Variants in HOMER1 observed in about 807,000 individuals in gnomAD.
HOMER1 encodes the protein homer scaffold protein 1.
In HOMER1, 3 loss-of-function variants were observed where a neutral mutation model predicts 48.9. The ratio of observed to expected loss-of-function variants is 0.06; its 90% CI spans 0.03 to 0.16. The LOEUF is 0.16. Among genes scored for constraint, HOMER1 ranks in the 10% least tolerant of loss-of-function variants. The pLI, the probability that HOMER1 is intolerant of heterozygous loss-of-function variation, is 1.00. For synonymous variants in HOMER1, 134 were observed against 146.4 expected (o/e 0.92, Z 0.61); for missense variants, 247 against 411.4 (o/e 0.60, Z 3.46).
At chr5:79,423,115 T>C (rs181923670) in intron 5 of HOMER1, among the ~76,000 whole-genome samples, 10 of 152,308 alleles carry the variant, frequency 6.6e-5, no homozygotes, top group African/African-American at 2.4e-4. Context: ...AGTATAGCAG[T>C]ATGTAAAAGT....
chr5:79,512,883 C>G lies in HOMER1; in HGVS notation c.-109G>C. 1.0e-6 allele frequency: 1 copy of G among 972,426 alleles called. No individual in the cohort carries two copies. Among genetic ancestry groups the G allele is most frequent in the Non-Finnish European group, 1.6e-6 (1 of 607,254 alleles). The allele number at this position is 972,426 out of a possible 1,614,324, so 60.2% of individuals were successfully genotyped here. On this transcript the variant is annotated 5_prime_UTR_variant, in exon 1 of 9. Coordinates refer to ENST00000334082, the MANE Select transcript of HOMER1 (RefSeq NM_004272.5). ...GCAGTTGCTTTTCCACCCCCACCCC[C>G]AGATCCTTGTCCGGAGGTATTTCAA...
rs1244510603 is a variant in HOMER1 at position 79,447,285 on chromosome 5, T to G, written c.295-140A>C. 9 of 602,480 alleles carry G rather than the reference T, an allele frequency of 1.5e-5. No individual in the cohort carries two copies. The Admixed American group carries it at 2.0e-4, about 14-fold the overall frequency. The allele number at this position is 602,480 out of a possible 1,614,324, so 37.3% of individuals were successfully genotyped here. ...CCTCCAAACCAATTATAGCTTCTAA[T>G]ATGAAAATGACAGGAAATGAAACCT... On this transcript the variant is annotated intron_variant, in intron 3 of 8. Coordinates refer to ENST00000334082, the MANE Select transcript of HOMER1 (RefSeq NM_004272.5).
intron 5 of HOMER1, among the ~76,000 whole-genome samples, chr5:79,410,776 C>A (rs1415144180): frequency 6.6e-6 from 1 of 152,038 alleles, no homozygotes; most frequent in Non-Finnish European, 1.5e-5. Flanking sequence ...CATTTAGCAA[C>A]AATTAATACC....
intron 1 of HOMER1, among the ~76,000 whole-genome samples, chr5:79,511,639 T>G (rs562616167): frequency 6.6e-6 from 1 of 152,318 alleles, no homozygotes; most frequent in East Asian, 1.9e-4. Context: ...GTCATTCAAG[T>G]TTTTAAAACC....
intron 5 of HOMER1, among the ~76,000 whole-genome samples, chr5:79,403,233 T>C (rs1431594812): frequency 1.3e-5 from 2 of 152,210 alleles, no homozygotes; most frequent in Non-Finnish European, 2.9e-5. Context: ...TCCCATTAAC[T>C]AACTAGTGAG....
At chr5:79,498,172 G>C (rs994224687) in intron 1 of HOMER1, among the ~76,000 whole-genome samples, 15 of 152,130 alleles carry the variant, frequency 9.9e-5, no homozygotes, top group African/African-American at 3.6e-4. Flanking sequence ...AGGCTGAGGA[G>C]GGCGGATCAC....
intron 1 of HOMER1, among the ~76,000 whole-genome samples, chr5:79,462,479 A>T (rs1283584936): frequency 1.3e-5 from 2 of 152,194 alleles, no homozygotes; most frequent in African/African-American, 4.8e-5. Flanking sequence ...GATGTGGAAA[A>T]CTGGAAGAAT....
intron 1 of HOMER1, among the ~76,000 whole-genome samples, chr5:79,484,064 A>AAAC (rs1752028216): frequency 6.6e-6 from 1 of 150,972 alleles, no homozygotes; most frequent in Non-Finnish European, 1.5e-5. Flanking sequence ...AAAAAAAAAA[A>AAAC]GTGGGGTTTA....
chr5:79,400,258 C>A (rs996181981), intron 6 of HOMER1, among the ~76,000 whole-genome samples: 18 of 152,072 alleles, frequency 1.2e-4, no homozygotes, highest in African/African-American at 4.3e-4. Flanking sequence ...CTCCTTTCCC[C>A]CACCTCTCTT....
At chr5:79,489,488 C>T (rs531901728) in intron 1 of HOMER1, among the ~76,000 whole-genome samples, 27 of 151,988 alleles carry the variant, frequency 1.8e-4, no homozygotes, top group African/African-American at 5.6e-4. Flanking sequence ...ACCCAGGAGG[C>T]GGAGGTTGCA....
At chr5:79,472,474 T>C (rs983953326) in intron 1 of HOMER1, among the ~76,000 whole-genome samples, 6 of 152,106 alleles carry the variant, frequency 3.9e-5, no homozygotes, top group African/African-American at 1.4e-4. Flanking sequence ...AAATACCAAT[T>C]AAAAATACTA....
chr5:79,506,410 C>T (rs778487219), intron 1 of HOMER1, among the ~76,000 whole-genome samples: 1 of 152,078 alleles, frequency 6.6e-6, no homozygotes, highest in Non-Finnish European at 1.5e-5. Flanking sequence ...AAATGTGTTA[C>T]ACTCAGGACA....
intron 4 of HOMER1, among the ~76,000 whole-genome samples, chr5:79,441,055 G>A (rs530586525): frequency 5.3e-5 from 8 of 152,140 alleles, no homozygotes; most frequent in Non-Finnish European, 1.0e-4. Context: ...AGCTATTCGG[G>A]AGGCTGAGGT....
At chr5:79,510,936 A>T (rs1365169650) in intron 1 of HOMER1, 1 of 536,086 alleles carries the variant, frequency 1.9e-6, no homozygotes, top group Non-Finnish European at 3.3e-6. Flanking sequence ...GACTGGTGCG[A>T]CCCCCCGCCA....
intron 1 of HOMER1, among the ~76,000 whole-genome samples, chr5:79,481,811 T>C (rs1431975938): frequency 6.6e-6 from 1 of 152,208 alleles, no homozygotes; most frequent in Non-Finnish European, 1.5e-5. Context: ...AAATTAGCTG[T>C]ACAGTAAAAG....
At chr5:79,444,097 C>T in intron 4 of HOMER1, among the ~76,000 whole-genome samples, 1 of 152,162 alleles carries the variant, frequency 6.6e-6, no homozygotes, top group South Asian at 2.1e-4. Context: ...CCCACTTAAC[C>T]GTTCTTTTGC....
In HOMER1 at chr5:79,439,115, G is replaced by A. The variant is rs1366905794; in HGVS notation, c.422C>T (p.Thr141Ile). The A allele has an allele frequency of 1.2e-6, 2 of 1,613,940 alleles. No individual in the cohort carries two copies. The highest frequency in any genetic ancestry group is 1.1e-5 in the South Asian group (1 of 91,068). Reference sequence around the variant, plus strand: ...ATCTGTCCCGTTGATACTTTCCGGTGTTAAAGGAGACTGAAGATCCCCGCC... The same window carrying A: ...ATCTGTCCCGTTGATACTTTCCGGTATTAAAGGAGACTGAAGATCCCCGCC... ...SAGGDLQSPL[T>I]PESINGTDDE... is the part of the protein sequence containing the mutation. Residue 141 changes from threonine (T) to isoleucine (I), a missense_variant, in exon 5 of 9, where the codon ACA becomes ATA. Around this residue, in one of 4 missense-constraint regions of HOMER1, gnomAD observed 94 missense variants for 112.4 expected, o/e 0.84. Transcript: ENST00000334082.
In HOMER1 at chr5:79,512,985, C is replaced by A. The variant is rs890456681; in HGVS notation, c.-211G>T. The A allele has an allele frequency of 1.2e-5, 7 of 583,318 alleles. No individual in the cohort carries two copies. The highest frequency in any genetic ancestry group is 2.1e-5 in the Non-Finnish European group (7 of 327,890). 36.1% of individuals were successfully genotyped at this position (583,318 alleles called of 1,614,324 possible). On this transcript the variant is annotated 5_prime_UTR_variant, in exon 1 of 9. Coordinates refer to ENST00000334082, the MANE Select transcript of HOMER1 (RefSeq NM_004272.5). ...AAATACCAAAACGTTCAAACAGAGG[C>A]GGCATTTGCTTATTCGAGTTAAAAT... is the stretch of plus-strand genomic sequence containing the variant.
chr5:79,399,454 C>G (rs1270636587), intron 6 of HOMER1, among the ~76,000 whole-genome samples: 1 of 152,268 alleles, frequency 6.6e-6, no homozygotes, highest in African/African-American at 2.4e-5. Flanking sequence ...TTCTGCTAGT[C>G]CCTGCTAAAT....
Sources: gnomAD v4.1 joint callset for allele counts (sites outside exome capture counted in the v4.1 genomes callset) on GRCh38, gnomAD v4.1.1 for gene constraint, gnomAD v4.1.1 regional missense constraint, MANE v1.5 for transcripts, NCBI Gene and HGNC (gene_info 2026-07-23, HGNC 2026-07-21) for gene names.